NTM: variants seen among roughly 807,000 people sequenced by gnomAD.
NTM encodes the protein neurotrimin, also known as IgLON family member 2.
Under a neutral mutation model 42.1 loss-of-function variants are expected in NTM, and 13 were observed. That is an observed-to-expected ratio of 0.31 (90% confidence interval 0.20 to 0.49). The LOEUF (loss-of-function observed/expected upper bound fraction) is 0.49. NTM is among the 20% of genes least tolerant of loss of function. NTM has a pLI of 0.99. For missense variants in NTM, 373 were observed against 452.8 expected (o/e 0.82, Z 1.60); for synonymous variants, 187 against 179.2 (o/e 1.04, Z -0.35).
At chr11:131,530,040 TGGATGCATCTGA>T (rs1228304241) in intron 1 of NTM, among the ~76,000 whole-genome samples, 2 of 152,184 alleles carry the variant, frequency 1.3e-5, no homozygotes, top group African/African-American at 4.8e-5. Context: ...CCCTCCCCAT[TGGATGCATCTGA>T]GGAAGGTGAA....
chr11:132,112,793 G>A (rs2063397976), intron 2 of NTM, among the ~76,000 whole-genome samples: 1 of 151,312 alleles, frequency 6.6e-6, no homozygotes, highest in Non-Finnish European at 1.5e-5. Context: ...AGCAGGAGAG[G>A]CTGCTGATCA....
chr11:131,791,681 G>C (rs2090961264), intron 1 of NTM, among the ~76,000 whole-genome samples: 1 of 152,166 alleles, frequency 6.6e-6, no homozygotes, highest in African/African-American at 2.4e-5. Context: ...ATGTAACACA[G>C]AATATCTGCT....
intron 4 of NTM, among the ~76,000 whole-genome samples, chr11:132,240,067 G>GTCCATCCATCCA (rs547649451): frequency 0.016 from 1,420 of 91,152 alleles, 11 homozygotes; most frequent in African/African-American, 0.031. Context: ...CCCTCCATCC[G>GTCCATCCATCCA]TCCATCCATC....
chr11:131,946,535 A>G (rs1040826278), intron 2 of NTM, among the ~76,000 whole-genome samples: 1 of 152,222 alleles, frequency 6.6e-6, no homozygotes, highest in Non-Finnish European at 1.5e-5. Flanking sequence ...TAAAAGCTAG[A>G]GTTCAGTGTT....
intron 1 of NTM, among the ~76,000 whole-genome samples, chr11:131,439,161 G>A (rs748302937): frequency 2.0e-5 from 3 of 152,152 alleles, no homozygotes; most frequent in Admixed American, 6.5e-5. Flanking sequence ...ATTGCTTCCT[G>A]ATCCTTCCTC....
intron 2 of NTM, among the ~76,000 whole-genome samples, chr11:131,948,749 G>A (rs955771676): frequency 2.6e-5 from 4 of 152,248 alleles, no homozygotes; most frequent in Admixed American, 1.3e-4. Context: ...TGGCCCCACC[G>A]CCCCAGTGCT....
At chr11:132,240,874 A>G (rs2090076195) in intron 4 of NTM, among the ~76,000 whole-genome samples, 1 of 152,352 alleles carries the variant, frequency 6.6e-6, no homozygotes, top group East Asian at 1.9e-4. Flanking sequence ...TCTACAGTTG[A>G]ACATCCCTGA....
chr11:131,549,373 T>C (rs1037224419), intron 1 of NTM, among the ~76,000 whole-genome samples: 2 of 151,862 alleles, frequency 1.3e-5, no homozygotes. Context: ...AGGCACAAAA[T>C]TTTTTTTAAT....
chr11:132,155,689 GT>G (rs2073035937), intron 3 of NTM, among the ~76,000 whole-genome samples: 1 of 152,194 alleles, frequency 6.6e-6, no homozygotes. Flanking sequence ...GGGGACCTGT[GT>G]GCTAACACTG....
chr11:131,506,529 C>T (rs939376347), intron 1 of NTM, among the ~76,000 whole-genome samples: 10 of 152,290 alleles, frequency 6.6e-5, no homozygotes, highest in African/African-American at 1.2e-4. Flanking sequence ...GAGGAGGAGG[C>T]GGCCACAGGG....
intron 4 of NTM, among the ~76,000 whole-genome samples, chr11:132,225,933 G>A (rs766549293): frequency 6.6e-5 from 10 of 151,866 alleles, no homozygotes; most frequent in Non-Finnish European, 1.5e-4. Flanking sequence ...TCATTGTTCA[G>A]CTCCCACTTA....
intron 1 of NTM, among the ~76,000 whole-genome samples, chr11:131,453,633 T>G (rs1341916955): frequency 4.6e-5 from 7 of 152,298 alleles, no homozygotes; most frequent in African/African-American, 1.7e-4. Context: ...AATACCCACC[T>G]TCCTGGTGTA....
chr11:132,185,670 G>A (rs1251169976), intron 3 of NTM, among the ~76,000 whole-genome samples: 1 of 152,012 alleles, frequency 6.6e-6, no homozygotes, highest in African/African-American at 2.4e-5. Flanking sequence ...AGAGTGTCTG[G>A]TCATTTCATA....
At chr11:132,105,388 G>A (rs1289644561) in intron 2 of NTM, among the ~76,000 whole-genome samples, 1 of 152,072 alleles carries the variant, frequency 6.6e-6, no homozygotes, top group Non-Finnish European at 1.5e-5. Flanking sequence ...TCAGAAAACT[G>A]TAGAAAAGAG....
intron 2 of NTM, among the ~76,000 whole-genome samples, chr11:131,962,111 C>T (rs2062251912): frequency 1.3e-5 from 2 of 152,074 alleles, no homozygotes; most frequent in Non-Finnish European, 2.9e-5. Flanking sequence ...CCCCTTCCCT[C>T]CTTATGGCTC....
chr11:131,927,953 A>G (rs539324137), intron 2 of NTM, among the ~76,000 whole-genome samples: 121 of 152,254 alleles, frequency 7.9e-4, no homozygotes, highest in Admixed American at 1.3e-3. Flanking sequence ...CTATATTGGG[A>G]ACAAAGGATT....
intron 1 of NTM, among the ~76,000 whole-genome samples, chr11:131,867,476 A>AGT (rs538970529): frequency 6.8e-6 from 1 of 147,868 alleles, no homozygotes; most frequent in Non-Finnish European, 1.5e-5. Flanking sequence ...TGTGTGTCTG[A>AGT]GTGTGTGTCT....
At chr11:131,413,785 C>T (rs185452187) in intron 1 of NTM, among the ~76,000 whole-genome samples, 1 of 152,102 alleles carries the variant, frequency 6.6e-6, no homozygotes, top group Non-Finnish European at 1.5e-5. Flanking sequence ...AGTCCAAACC[C>T]GTGGGGACAA....
intron 4 of NTM, among the ~76,000 whole-genome samples, chr11:132,274,510 T>C (rs3133880): frequency 0.54 from 81,958 of 151,912 alleles, 22,416 homozygotes; most frequent in East Asian, 0.73. Context: ...TGTAATAAAT[T>C]CCAAGTTTCC....
Sources: allele counts gnomAD v4.1 joint callset (sites outside exome capture counted in the v4.1 genomes callset), GRCh38; gene constraint gnomAD v4.1.1; transcripts MANE v1.5; gene names NCBI Gene and HGNC (gene_info 2026-07-23, HGNC 2026-07-21).